Variants in SUFU observed in about 807,000 individuals in gnomAD.
SUFU encodes the protein SUFU negative regulator of hedgehog signaling, also known as suppressor of fused homolog.
SUFU carries 7 observed loss-of-function variants against 58.9 expected under a neutral mutation model. The ratio of observed to expected loss-of-function variants is 0.12; its 90% CI spans 0.07 to 0.22. SUFU has a LOEUF of 0.22. Ranked by LOEUF, SUFU falls within the 10% of genes least tolerant of loss-of-function variation. SUFU has a pLI of 1.00. For missense variants in SUFU, 451 were observed against 641.3 expected, an observed-to-expected ratio of 0.70 and a Z score of 3.20; for synonymous variants, 232 against 254.8, an observed-to-expected ratio of 0.91 and a Z score of 0.85.
chr10:102,580,692 T>C (rs1422480585), intron 3 of SUFU, among the ~76,000 whole-genome samples: 1 of 152,176 alleles, frequency 6.6e-6, no homozygotes, highest in African/African-American at 2.4e-5. Context: ...GCTCTGTGTC[T>C]TCCTGAGGGC....
At chr10:102,587,653 G>A (rs528871024) in intron 3 of SUFU, among the ~76,000 whole-genome samples, 32 of 152,032 alleles carry the variant, frequency 2.1e-4, no homozygotes, top group Non-Finnish European at 3.8e-4. Flanking sequence ...CACTACGCCC[G>A]GCAAATTTTT....
At chr10:102,518,119 A>G (rs2062495336) in intron 2 of SUFU, among the ~76,000 whole-genome samples, 2 of 152,188 alleles carry the variant, frequency 1.3e-5, no homozygotes. Flanking sequence ...TTATTATTAC[A>G]AACAATTATA....
rs1442018997 is a variant in SUFU, at chr10:102,597,313, A to G, written c.910+20A>G. The G allele has an allele frequency of 2.5e-6, 4 of 1,608,796 alleles. No homozygotes were observed. Among genetic ancestry groups the G allele is most frequent in the Admixed American group, 1.7e-5 (1 of 59,912 alleles). ...GCAAAGGTGGGAGCCATCACTCAGCATTCCACCAGCCTTCCTCCTTCCTTT... is the reference window on the plus strand; with the variant it reads ...GCAAAGGTGGGAGCCATCACTCAGCGTTCCACCAGCCTTCCTCCTTCCTTT... On this transcript the variant is annotated intron_variant, in intron 7 of 11. Transcript: ENST00000369902.
chr10:102,518,656 C>T (rs1420957549), intron 2 of SUFU, among the ~76,000 whole-genome samples: 2 of 152,030 alleles, frequency 1.3e-5, no homozygotes, highest in Non-Finnish European at 2.9e-5. Context: ...AAGTCATCCT[C>T]CTACCTCAAC....
At position 102,629,366 on chromosome 10, in the gene SUFU, G is replaced by A. The variant is rs1040342876; in HGVS notation, c.1366-700G>A. ...CTGTAGGCAAATCAGTGTATCCTGG[G>A]ATGGGGTGGGAGACATTTGGCTCTC... is the stretch of plus-strand genomic sequence containing the variant. On this transcript the variant is annotated intron_variant, in intron 11 of 11. Transcript: ENST00000369902. The surrounding 1 kb of genome is among the most constrained non-coding windows in gnomAD (Gnocchi z 4.7). Among the ~76,000 whole-genome samples, 1 of 152,212 alleles carries A rather than the reference G, an allele frequency of 6.6e-6. No homozygotes were observed. Among genetic ancestry groups the A allele is most frequent in the Non-Finnish European group, 1.5e-5 (1 of 68,044 alleles).
intron 3 of SUFU, among the ~76,000 whole-genome samples, chr10:102,572,453 G>A (rs1377936623): frequency 6.9e-6 from 1 of 144,112 alleles, no homozygotes; most frequent in African/African-American, 2.6e-5. Context: ...GTAGTGGCGC[G>A]ATCTTGGCTC....
chr10:102,561,703 CTG>C, intron 3 of SUFU, among the ~76,000 whole-genome samples: 1 of 136,982 alleles, frequency 7.3e-6, no homozygotes, highest in South Asian at 2.4e-4. Flanking sequence ...GGATCTCACT[CTG>C]TTGCTCAGAC....
At chr10:102,516,829 C>A (rs1236788297) in intron 2 of SUFU, among the ~76,000 whole-genome samples, 1 of 151,882 alleles carries the variant, frequency 6.6e-6, no homozygotes, top group Non-Finnish European at 1.5e-5. Flanking sequence ...AAACTCACTT[C>A]TAAAAAGCCT....
Position 102,633,445 on chromosome 10 carries a change from C to CT in SUFU, c.*3293dup. The CT allele has an allele frequency of 4.3e-6, 1 of 230,470 alleles. No homozygotes were observed. Among genetic ancestry groups the CT allele is most frequent in the Admixed American group, 5.7e-5 (1 of 17,662 alleles). The allele number at this position is 230,470 out of a possible 1,614,324, so 14.3% of individuals were successfully genotyped here. On this transcript the variant is annotated 3_prime_UTR_variant, in exon 12 of 12. Transcript: ENST00000369902. Reference sequence around the variant, plus strand: ...TCTGTAATCTAAGTGCATTAAACATCTTTGCAGAAGTGCCTGGGTTGTGTG... The same window carrying CT: ...TCTGTAATCTAAGTGCATTAAACATCTTTTGCAGAAGTGCCTGGGTTGTGTG...
At chr10:102,596,997 A>T in intron 6 of SUFU, 143 bp from the exon 7 acceptor site, 1 of 972,624 alleles carries the variant, frequency 1.0e-6, no homozygotes, top group Non-Finnish European at 1.6e-6. Context: ...GAACAAGGTC[A>T]GAGATCCTGC....
intron 2 of SUFU, among the ~76,000 whole-genome samples, chr10:102,530,237 T>G (rs1417928694): frequency 6.6e-6 from 1 of 151,978 alleles, no homozygotes; most frequent in Non-Finnish European, 1.5e-5. Context: ...TGGAGTAATA[T>G]GTTAATAATT....
chr10:102,517,848 C>T lies in SUFU; in HGVS notation c.317+8545C>T, dbSNP rs117628568. The stretch of plus-strand genomic sequence containing the variant: ...AGAACCAGGCTGTGCAGCACACTCA[C>T]CAGCAGAGCTATCTTGAGTCCCCTG... On this transcript the variant is annotated intron_variant, in intron 2 of 11. Transcript: ENST00000369902. Among the ~76,000 whole-genome samples, 63 of 152,300 alleles carry T rather than the reference C, an allele frequency of 4.1e-4. 2 individuals are homozygous for T. In the East Asian group the frequency reaches 0.01, roughly 24 times the overall value.
intron 8 of SUFU, among the ~76,000 whole-genome samples, chr10:102,614,031 G>T (rs2063654965): frequency 6.6e-6 from 1 of 152,260 alleles, no homozygotes; most frequent in African/African-American, 2.4e-5. Context: ...CAGCAGTACA[G>T]ATTGTATCAT....
chr10:102,557,831 T>C (rs2062997114), intron 3 of SUFU, among the ~76,000 whole-genome samples: 1 of 152,100 alleles, frequency 6.6e-6, no homozygotes, highest in Non-Finnish European at 1.5e-5. Context: ...TAGTTTCAGT[T>C]TCTCTCAGTT....
At chr10:102,503,106 G>A (rs1224732081), upstream of SUFU, among the ~76,000 whole-genome samples, 1 of 152,136 alleles carries the variant, frequency 6.6e-6, no homozygotes, top group Non-Finnish European at 1.5e-5. Context: ...GACAATATAA[G>A]GTTCTCATGT....
chr10:102,504,078 C>A lies in SUFU; in HGVS notation c.-75C>A. ...CTCGGGGAGTCTCACCCACCGAGTC[C>A]GCCCGCTGGCCCGTCAGTGCTCTCC... On this transcript the variant is annotated 5_prime_UTR_variant, in exon 1 of 12. Coordinates refer to ENST00000369902, the MANE Select transcript of SUFU (RefSeq NM_016169.4). 1 of 1,480,098 alleles carries A rather than the reference C, an allele frequency of 6.8e-7. No individual in the cohort carries two copies. The highest frequency in any genetic ancestry group is 1.3e-5 in the South Asian group (1 of 75,224). The allele number at this position is 1,480,098 out of a possible 1,614,324, so 91.7% of individuals were successfully genotyped here.
At chr10:102,556,318 A>T (rs552940387) in intron 3 of SUFU, among the ~76,000 whole-genome samples, 5 of 152,216 alleles carry the variant, frequency 3.3e-5, no homozygotes, top group Admixed American at 2.0e-4. Context: ...CAGAGGTGGA[A>T]GCTGAGCTGG....
intron 3 of SUFU, among the ~76,000 whole-genome samples, chr10:102,552,741 C>T (rs1372600765): frequency 6.6e-6 from 1 of 152,126 alleles, no homozygotes; most frequent in Non-Finnish European, 1.5e-5. Context: ...ATAAAAGGAC[C>T]TGATGTCTTT....
chr10:102,510,854 C>G (rs977673136), intron 2 of SUFU, among the ~76,000 whole-genome samples: 1 of 150,516 alleles, frequency 6.6e-6, no homozygotes, highest in Admixed American at 6.6e-5. Flanking sequence ...GGTGTGGTGG[C>G]TCACGCCTAT....
Sources: gnomAD v4.1 joint callset for allele counts (sites outside exome capture counted in the v4.1 genomes callset) on GRCh38, gnomAD v4.1.1 for gene constraint, Gnocchi (gnomAD v3.1) non-coding constraint, MANE v1.5 for transcripts, NCBI Gene and HGNC (gene_info 2026-07-23, HGNC 2026-07-21) for gene names.